The following HOOK2 variants were observed in gnomAD, a reference collection of about 807,000 sequenced individuals.
HOOK2 encodes the protein protein Hook homolog 2.
HOOK2 carries 108 observed loss-of-function variants against 111.9 expected under a neutral mutation model. The ratio of observed to expected loss-of-function variants is 0.96; its 90% CI spans 0.83 to 1.13. The LOEUF is 1.13. Ranked by LOEUF, HOOK2 falls within the 50% of genes most tolerant of loss-of-function variation. HOOK2 has a pLI of 0.00. For missense variants in HOOK2, 978 were observed against 951.3 expected (o/e 1.03, Z -0.37); for synonymous variants, 405 against 394.3 (o/e 1.03, Z -0.32).
intron 3 of HOOK2, chr19:12,774,432 T>C: frequency 3.4e-6 from 2 of 596,248 alleles, no homozygotes; most frequent in Non-Finnish European, 6.0e-6. Flanking sequence ...TGGTTGTGTA[T>C]GTGTTGCTTG....
At chr19:12,792,152 C>G in intron 3 of HOOK2, 1 of 1,595,718 alleles carries the variant, frequency 6.3e-7, no homozygotes, top group Non-Finnish European at 8.5e-7. Context: ...CAGGGGGCGG[C>G]GTCACCGAGG....
upstream of HOOK2, among the ~76,000 whole-genome samples, chr19:12,778,974 C>G (rs1423071345): frequency 6.6e-6 from 1 of 152,200 alleles, no homozygotes; most frequent in Non-Finnish European, 1.5e-5. Context: ...ATCCAGGCAC[C>G]TTTAATTCAG....
chr19:12,784,323 G>A (rs975044623), intron 3 of HOOK2, among the ~76,000 whole-genome samples: 2 of 151,928 alleles, frequency 1.3e-5, no homozygotes, highest in Non-Finnish European at 2.9e-5. Flanking sequence ...GCCAGCCAGG[G>A]ACACACAGAC....
Position 12,791,176 on chromosome 19 carries a change from C to T in HOOK2, n.42-16951G>A, listed in dbSNP as rs1968708088. On this transcript the variant is annotated intron_variant and non_coding_transcript_variant, in intron 3 of 3. Coordinates refer to the HOOK2 transcript ENST00000589765. The surrounding 1 kb of genome is among the most constrained non-coding windows in gnomAD (Gnocchi z 7.0). ...GCGTACCAGGTCCTGGTATTTGTCC[C>T]AGTGGACTCCAGGGAAATCATCCTC... is the stretch of plus-strand genomic sequence containing the variant. Among the ~76,000 whole-genome samples the T allele has an allele frequency of 6.6e-6, 1 of 152,208 alleles. No individual in the cohort carries two copies. Among genetic ancestry groups the T allele is most frequent in the Non-Finnish European group, 1.5e-5 (1 of 68,032 alleles).
intron 1 of HOOK2, 51 bp downstream of exon 1, chr19:12,775,354 G>A (rs764026771): frequency 4.4e-6 from 7 of 1,594,478 alleles, no homozygotes; most frequent in Non-Finnish European, 6.0e-6. Flanking sequence ...CAGGGATCCC[G>A]GGCAAGAGGA....
chr19:12,789,001 C>A (rs1295179218), intron 3 of HOOK2, among the ~76,000 whole-genome samples: 1 of 152,198 alleles, frequency 6.6e-6, no homozygotes, highest in Non-Finnish European at 1.5e-5. Flanking sequence ...CTTCCCCCTG[C>A]CCCCACATAG....
In HOOK2 at chr19:12,766,216, C is replaced by T. The variant is rs764345209; in HGVS notation, c.1398G>A (p.Leu466=). ...CCTGCCTGCACAGCCGCTTGTTCTC[C>T]AGCTGAAGCCGCAGGAGCGTCTCCC... ...ELRETLLRLQ[L]ENKRLCRQEA... Residue 466 remains leucine (L), a synonymous_variant, in exon 15 of 23, where the codon CTG becomes CTA. Transcript: ENST00000397668. 16 of 1,591,000 alleles carry T rather than the reference C, an allele frequency of 1.0e-5. No individual in the cohort carries two copies. Among genetic ancestry groups the T allele is most frequent in the East Asian group, 4.5e-5 (2 of 44,476 alleles).
chr19:12,779,343 C>G (rs557069317), upstream of HOOK2, among the ~76,000 whole-genome samples: 120 of 152,234 alleles, frequency 7.9e-4, no homozygotes, highest in Admixed American at 1.2e-3. Context: ...AACTGGAGAA[C>G]AGTGCCCCTC....
At position 12,767,868 on chromosome 19, in the gene HOOK2, G is replaced by C; in HGVS notation, c.1251C>G (p.Ala417=). ...LLAERDSLRE[A]NEELRCAQLQ... The stretch of plus-strand genomic sequence containing the variant: ...GCTGGGCGCAGCGCAGCTCCTCATT[G>C]GCCTCCCGCAAGGAGTCCCGCTCCG... The change falls in exon 13 of 23, where the codon GCC becomes GCG. Residue 417 remains alanine, a synonymous_variant. Coordinates refer to ENST00000397668, the MANE Select transcript of HOOK2 (RefSeq NM_013312.3). 6.2e-7 allele frequency: 1 copy of C among 1,608,062 alleles called. No homozygotes were observed. Among genetic ancestry groups the C allele is most frequent in the Non-Finnish European group, 8.5e-7 (1 of 1,179,886 alleles).
Position 12,772,666 on chromosome 19 carries a change from T to C in HOOK2, c.403A>G (p.Ile135Val). The C allele has an allele frequency of 1.2e-6, 2 of 1,614,218 alleles. No homozygotes were observed. The highest frequency in any genetic ancestry group is 1.1e-5 in the South Asian group (1 of 91,086). Residue 135 changes from isoleucine to valine, a missense_variant, in exon 6 of 23, where the codon ATC (isoleucine) becomes GTC (valine). This residue lies in a region of HOOK2 where 301 missense variants were observed against 286.1 expected (regional missense o/e 1.05). Coordinates refer to ENST00000397668, the MANE Select transcript of HOOK2 (RefSeq NM_013312.3). ...CEKKQDHIQR[I>V]MTLEESVQHV... ...TGAACCGATTCTTCCAGCGTCATGA[T>C]TCTCTGGATGTGGTCTGGGGATCAA...
chr19:12,775,535 C>G lies in HOOK2; in HGVS notation c.-86G>C, dbSNP rs1035002672. Reference sequence around the variant, plus strand: ...CGCCACCAGCGAGCGCCCGCAGCCCCGACCTCCCGCTCGGCCTAGAGCGCC... The same window carrying G: ...CGCCACCAGCGAGCGCCCGCAGCCCGGACCTCCCGCTCGGCCTAGAGCGCC... On this transcript the variant is annotated 5_prime_UTR_variant, in exon 1 of 23. Coordinates refer to ENST00000397668, the MANE Select transcript of HOOK2 (RefSeq NM_013312.3). 29 of 1,453,114 alleles carry G rather than the reference C, an allele frequency of 2.0e-5. No homozygotes were observed. The highest frequency in any genetic ancestry group is 2.7e-5 in the East Asian group (1 of 36,740). 90.0% of individuals were successfully genotyped at this position (1,453,114 alleles called of 1,614,324 possible).
chr19:12,771,388 G>A lies in HOOK2; in HGVS notation c.600+9C>T, dbSNP rs1042961604. On this transcript the variant is annotated intron_variant, in intron 8 of 22. Coordinates refer to ENST00000397668, the MANE Select transcript of HOOK2 (RefSeq NM_013312.3). ...TACTCAAGTGACCCTGCCCCACCTA[G>A]GGCCCTACCTGCCGCTCCAGATCCA... 3.1e-6 allele frequency: 5 copies of A among 1,612,444 alleles called. No homozygotes were observed. In the African/African-American group the frequency reaches 4.0e-5, roughly 13 times the overall value.
chr19:12,770,130 G>A lies in HOOK2; in HGVS notation c.903-48C>T, dbSNP rs972888247. 8.4e-6 allele frequency: 12 copies of A among 1,424,798 alleles called. No homozygotes were observed. The African/African-American group carries it at 1.5e-4, about 18-fold the overall frequency. 88.3% of individuals were successfully genotyped at this position (1,424,798 alleles called of 1,614,324 possible). ...GGAGGGCTGAGAGCTCTGATCAGGG[G>A]TCAGCTGGGATGTGGAGTGGCCCTT... On this transcript the variant is annotated intron_variant, in intron 10 of 22. Coordinates refer to ENST00000397668, the MANE Select transcript of HOOK2 (RefSeq NM_013312.3).
upstream of HOOK2, among the ~76,000 whole-genome samples, chr19:12,780,996 T>A (rs187624438): frequency 1.3e-3 from 140 of 107,528 alleles, 1 homozygote; most frequent in Non-Finnish European, 2.1e-3. Flanking sequence ...ATAATAATAA[T>A]AAATATAAAA....
upstream of HOOK2, among the ~76,000 whole-genome samples, chr19:12,779,365 T>C (rs1449761668): frequency 6.6e-6 from 1 of 152,248 alleles, no homozygotes; most frequent in East Asian, 1.9e-4. Context: ...GCCACTCCCC[T>C]GGCTGACCAC....
rs1968270278 is a variant in HOOK2, at chr19:12,770,018, C to T, written c.967G>A (p.Glu323Lys). ...TLTSCRRRLGELRELRRQVRQ... is the reference protein window; with the variant it reads ...TLTSCRRRLGKLRELRRQVRQ... ...ACCTGCCGCCGCAGCTCCCTCAGCT[C>T]GCCCAAGCGGCGCCGGCAACTGGTC... The change falls in exon 11 of 23, where the codon GAG (glutamate) becomes AAG (lysine). Residue 323 changes from glutamate to lysine, a missense_variant. Physicochemically the swap from Glu to Lys is moderately conservative, Grantham distance 56. Around this residue, in one of 5 missense-constraint regions of HOOK2, gnomAD observed 388 missense variants for 358.3 expected, o/e 1.08. Coordinates refer to ENST00000397668, the MANE Select transcript of HOOK2 (RefSeq NM_013312.3). 2.6e-6 allele frequency: 4 copies of T among 1,541,616 alleles called. No homozygotes were observed. Among genetic ancestry groups the T allele is most frequent in the East Asian group, 2.5e-5 (1 of 40,782 alleles).
chr19:12,775,326 G>A, intron 1 of HOOK2, 79 bp downstream of exon 1: 1 of 1,563,528 alleles, frequency 6.4e-7, no homozygotes, highest in Non-Finnish European at 8.7e-7. Flanking sequence ...AGCACCAAGA[G>A]ACTGACCGAA....
In HOOK2 at chr19:12,771,143, C is replaced by A. The variant is rs1339785843; in HGVS notation, c.761+16G>T. The stretch of plus-strand genomic sequence containing the variant: ...GGTCCCCTGGCTTGCCTGGCCCAGT[C>A]CCCAGCTGACCACACCTGAAGTTCT... On this transcript the variant is annotated intron_variant, in intron 9 of 22. Transcript: ENST00000397668. The A allele has an allele frequency of 6.2e-7, 1 of 1,613,118 alleles. No homozygotes were observed. Among genetic ancestry groups the A allele is most frequent in the Non-Finnish European group, 8.5e-7 (1 of 1,179,434 alleles).
rs1316887881 is a variant in HOOK2, at chr19:12,786,795, A to AC, written n.42-12571dup. ...ACACCCATGCAGAGTGTTTGGAGGA[A>AC]CCCTACTCCCACATGCTGGCCTGTC... On this transcript the variant is annotated intron_variant and non_coding_transcript_variant, in intron 3 of 3. Transcript: ENST00000589765. This position sits in a 1 kb window ranked among gnomAD's most constrained non-coding sequence, Gnocchi z 4.3. 1.3e-5 allele frequency among the ~76,000 whole-genome samples: 2 copies of AC among 152,154 alleles called. No homozygotes were observed. The highest frequency in any genetic ancestry group is 4.8e-5 in the African/African-American group (2 of 41,456).
Sources: allele counts gnomAD v4.1 joint callset (sites outside exome capture counted in the v4.1 genomes callset), GRCh38; gene constraint gnomAD v4.1.1; regional missense constraint gnomAD v4.1.1; non-coding constraint Gnocchi (gnomAD v3.1); transcripts MANE v1.5; gene names NCBI Gene and HGNC (gene_info 2026-07-23, HGNC 2026-07-21).